The following FOXN3 variants were observed in gnomAD, a reference collection of about 807,000 sequenced individuals.
The protein encoded by FOXN3 is forkhead box protein N3.
Under a neutral mutation model 38.4 loss-of-function variants are expected in FOXN3, and 7 were observed. The ratio of observed to expected loss-of-function variants is 0.18; its 90% CI spans 0.10 to 0.34. The LOEUF is 0.34. FOXN3 is among the 10% of genes least tolerant of loss of function. The pLI is 1.00. For synonymous variants in FOXN3, 230 were observed against 242.2 expected, an observed-to-expected ratio of 0.95 and a Z score of 0.47; for missense variants, 456 against 613.4, an observed-to-expected ratio of 0.74 and a Z score of 2.71.
At chr14:89,330,115 C>A (rs1222447192) in intron 3 of FOXN3, among the ~76,000 whole-genome samples, 3 of 152,152 alleles carry the variant, frequency 2.0e-5, no homozygotes, top group African/African-American at 7.2e-5. Context: ...AGAGAGACAT[C>A]CTCCAGGTTT....
intron 1 of FOXN3, among the ~76,000 whole-genome samples, chr14:89,477,574 A>C (rs527431808): frequency 6.6e-6 from 1 of 152,302 alleles, no homozygotes; most frequent in South Asian, 2.1e-4. Context: ...AAGAGTGCCA[A>C]GGCCTTCTTC....
At chr14:89,524,404 G>GAAAAA (rs1894391517) in intron 1 of FOXN3, among the ~76,000 whole-genome samples, 1 of 25,600 alleles carries the variant, frequency 3.9e-5, no homozygotes, top group Non-Finnish European at 6.1e-5. Context: ...AAAAAAAAAA[G>GAAAAA]AAAGAAAGAA....
At chr14:89,295,916 T>C (rs1401364886) in intron 3 of FOXN3, among the ~76,000 whole-genome samples, 1 of 151,918 alleles carries the variant, frequency 6.6e-6, no homozygotes, top group African/African-American at 2.4e-5. Flanking sequence ...AAAACATCTC[T>C]TATAAACATA....
intron 4 of FOXN3, among the ~76,000 whole-genome samples, chr14:89,229,980 C>T (rs1324669544): frequency 6.6e-6 from 1 of 152,220 alleles, no homozygotes; most frequent in Non-Finnish European, 1.5e-5. Flanking sequence ...ACCCTTGAAG[C>T]TCTGCAGTGA....
intron 2 of FOXN3, among the ~76,000 whole-genome samples, chr14:89,395,879 A>G (rs1388640698): frequency 6.6e-6 from 1 of 152,178 alleles, no homozygotes; most frequent in African/African-American, 2.4e-5. Flanking sequence ...TTATCAAGAC[A>G]GACAGTTAAG....
intron 1 of FOXN3, among the ~76,000 whole-genome samples, chr14:89,570,473 A>G (rs1030891032): frequency 1.2e-4 from 18 of 152,070 alleles, no homozygotes; most frequent in Admixed American, 3.3e-4. Flanking sequence ...CTCATGATGC[A>G]TTAAGAAGCT....
At chr14:89,433,698 G>A (rs961559911) in intron 1 of FOXN3, among the ~76,000 whole-genome samples, 1 of 151,632 alleles carries the variant, frequency 6.6e-6, no homozygotes, top group African/African-American at 2.4e-5. Flanking sequence ...CAGCTATTCA[G>A]GAGGCTGAGG....
chr14:89,181,871 G>A (rs529076586), intron 4 of FOXN3, among the ~76,000 whole-genome samples: 4 of 152,296 alleles, frequency 2.6e-5, no homozygotes, highest in African/African-American at 9.6e-5. Flanking sequence ...GTGAGAACAC[G>A]GGTGAGCTTT....
chr14:89,309,608 C>G (rs1002884060), intron 3 of FOXN3, among the ~76,000 whole-genome samples: 2 of 152,144 alleles, frequency 1.3e-5, no homozygotes, highest in Non-Finnish European at 2.9e-5. Flanking sequence ...TGCACTTTAG[C>G]CCAGGGGGGT....
chr14:89,181,049 C>A (rs1053493381), intron 4 of FOXN3, among the ~76,000 whole-genome samples: 1 of 151,640 alleles, frequency 6.6e-6, no homozygotes, highest in Admixed American at 6.6e-5. Context: ...CGTACGTACA[C>A]CTGCACATAC....
intron 3 of FOXN3, among the ~76,000 whole-genome samples, chr14:89,328,044 G>GT: frequency 6.6e-6 from 1 of 152,336 alleles, no homozygotes; most frequent in East Asian, 1.9e-4. Context: ...TGTCACCACT[G>GT]TGTTTCAGTA....
chr14:89,575,506 T>C (rs1321303647), intron 1 of FOXN3, among the ~76,000 whole-genome samples: 1 of 152,144 alleles, frequency 6.6e-6, no homozygotes, highest in Non-Finnish European at 1.5e-5. Context: ...TGCTGGTGAA[T>C]TCTCTGCAAA....
intron 3 of FOXN3, among the ~76,000 whole-genome samples, chr14:89,286,632 A>C (rs974022280): frequency 6.6e-6 from 1 of 152,190 alleles, no homozygotes; most frequent in Admixed American, 6.5e-5. Flanking sequence ...ACCACAAAAA[A>C]TCCTTGAAAT....
At chr14:89,178,342 A>C (rs1183050515) in intron 5 of FOXN3, among the ~76,000 whole-genome samples, 1 of 151,904 alleles carries the variant, frequency 6.6e-6, no homozygotes, top group Non-Finnish European at 1.5e-5. Context: ...TAGAGCTGGG[A>C]TCTCCCTATG....
chr14:89,422,675 G>A (rs1891940027), intron 1 of FOXN3, among the ~76,000 whole-genome samples: 1 of 152,174 alleles, frequency 6.6e-6, no homozygotes, highest in African/African-American at 2.4e-5. Flanking sequence ...TAAAGTCTTG[G>A]TCAAACATCA....
chr14:89,179,374 T>G (rs1887605702), intron 5 of FOXN3, among the ~76,000 whole-genome samples: 1 of 152,168 alleles, frequency 6.6e-6, no homozygotes, highest in Non-Finnish European at 1.5e-5. Flanking sequence ...GAGTTTGACC[T>G]TGCTTCTCCC....
rs1470193491 is a variant in FOXN3 at position 89,204,574 on chromosome 14, A to G, written c.746-23768T>C. Reference sequence around the variant, plus strand: ...GTTGATTCAGAAATAACCCTCACATATTATCAGTTGAAAAATAAAACAAAG... The same window carrying G: ...GTTGATTCAGAAATAACCCTCACATGTTATCAGTTGAAAAATAAAACAAAG... On this transcript the variant is annotated intron_variant, in intron 4 of 5. Transcript: ENST00000557258. Among the ~76,000 whole-genome samples, 8 of 152,308 alleles carry G rather than the reference A, an allele frequency of 5.3e-5. No homozygotes were observed. In the South Asian group the frequency reaches 1.7e-3, roughly 32 times the overall value.
chr14:89,389,511 A>G (rs1475391335), intron 2 of FOXN3, among the ~76,000 whole-genome samples: 1 of 152,210 alleles, frequency 6.6e-6, no homozygotes, highest in Non-Finnish European at 1.5e-5. Flanking sequence ...TAGGAGAATT[A>G]CGCTCTTTCT....
At chr14:89,336,137 TACACAC>T (rs34950734) in intron 3 of FOXN3, among the ~76,000 whole-genome samples, 1,624 of 140,114 alleles carry the variant, frequency 0.012, 11 homozygotes, top group Non-Finnish European at 0.017. Context: ...AAGTGATCCT[TACACAC>T]ACACACACAC....
Sources: allele counts gnomAD v4.1 joint callset (sites outside exome capture counted in the v4.1 genomes callset), GRCh38; gene constraint gnomAD v4.1.1; transcripts MANE v1.5; gene names NCBI Gene and HGNC (gene_info 2026-07-23, HGNC 2026-07-21).